The following PPME1 variants were observed in gnomAD, a reference collection of about 807,000 sequenced individuals.
The protein encoded by PPME1 is protein phosphatase methylesterase 1, also known as testicular secretory protein Li 39.
PPME1 carries 17 observed loss-of-function variants against 56.9 expected under a neutral mutation model. The observed-to-expected ratio is 0.30, with a 90% CI of 0.20 to 0.45. The LOEUF (loss-of-function observed/expected upper bound fraction) is 0.45. Ranked by LOEUF, PPME1 falls within the 20% of genes least tolerant of loss-of-function variation. The pLI, the probability that PPME1 is intolerant of heterozygous loss-of-function variation, is 1.00. For synonymous variants in PPME1, 122 were observed against 156.2 expected, an observed-to-expected ratio of 0.78 and a Z score of 1.63; for missense variants, 357 against 483.2, an observed-to-expected ratio of 0.74 and a Z score of 2.45.
intron 1 of PPME1, among the ~76,000 whole-genome samples, chr11:74,187,147 T>C (rs960609859): frequency 6.6e-5 from 10 of 152,232 alleles, no homozygotes; most frequent in Non-Finnish European, 1.2e-4. Context: ...TTTTGATTAC[T>C]GTAGCTTTTT....
chr11:74,227,704 G>A (rs538241829), intron 5 of PPME1, among the ~76,000 whole-genome samples: 1 of 152,244 alleles, frequency 6.6e-6, no homozygotes, highest in African/African-American at 2.4e-5. Flanking sequence ...GTCTAGATTT[G>A]TAGGTAACCC....
intron 1 of PPME1, among the ~76,000 whole-genome samples, chr11:74,195,073 C>A (rs996023253): frequency 1.3e-5 from 2 of 152,150 alleles, no homozygotes; most frequent in Non-Finnish European, 2.9e-5. Flanking sequence ...AGAAGTTTTA[C>A]AGAATTCAAA....
chr11:74,227,290 G>A (rs1023113301), intron 5 of PPME1, among the ~76,000 whole-genome samples: 1 of 152,108 alleles, frequency 6.6e-6, no homozygotes, highest in Admixed American at 6.6e-5. Flanking sequence ...TTGTAGAGTA[G>A]GCAATGAAGG....
Position 74,250,987 on chromosome 11 carries a change from G to T in PPME1, c.1043G>T (p.Gly348Val). 6.2e-7 allele frequency: 1 copy of T among 1,602,106 alleles called. No individual in the cohort carries two copies. The highest frequency in any genetic ancestry group is 1.7e-5 in the Admixed American group (1 of 58,498). The change falls in exon 12 of 14, where the codon GGC becomes GTC. Residue 348 changes from glycine (G) to valine (V), a missense_variant. Around this residue, in one of 2 missense-constraint regions of PPME1, gnomAD observed 182 missense variants for 293.8 expected, o/e 0.62. Coordinates refer to ENST00000328257, the MANE Select transcript of PPME1 (RefSeq NM_016147.3). ...KFQMQVLPQCGHAVHEDAPDK... is the reference protein window; with the variant it reads ...KFQMQVLPQCVHAVHEDAPDK... ...CAGATGCAGGTCCTACCCCAGTGTG[G>T]CCATGCAGTCCATGAGGATGCCCCT...
chr11:74,171,780 A>G (rs1213164900), intron 1 of PPME1, among the ~76,000 whole-genome samples: 1 of 152,128 alleles, frequency 6.6e-6, no homozygotes. Flanking sequence ...AGACTAACAT[A>G]AGGGATCTGA....
intron 3 of PPME1, among the ~76,000 whole-genome samples, chr11:74,219,805 A>G (rs1232444699): frequency 6.6e-6 from 1 of 152,088 alleles, no homozygotes; most frequent in Non-Finnish European, 1.5e-5. Context: ...TGAGTACAAA[A>G]ATATTTAAAT....
chr11:74,226,609 C>CA (rs964733042), intron 5 of PPME1, among the ~76,000 whole-genome samples: 2 of 151,952 alleles, frequency 1.3e-5, no homozygotes, highest in African/African-American at 4.8e-5. Context: ...TAACTTTTAA[C>CA]AAAAAAGTGA....
intron 1 of PPME1, among the ~76,000 whole-genome samples, chr11:74,181,568 C>T (rs1857538834): frequency 6.6e-6 from 1 of 152,162 alleles, no homozygotes; most frequent in Non-Finnish European, 1.5e-5. Flanking sequence ...ACATTTAGAA[C>T]TCCTGTAGTG....
chr11:74,227,810 A>G (rs186023044), intron 5 of PPME1, among the ~76,000 whole-genome samples: 15 of 152,192 alleles, frequency 9.9e-5, no homozygotes, highest in Admixed American at 6.5e-4. Context: ...TTTAATAACA[A>G]TAAATTTCTC....
At chr11:74,195,510 G>A (rs768084171) in intron 1 of PPME1, among the ~76,000 whole-genome samples, 6 of 151,996 alleles carry the variant, frequency 3.9e-5, no homozygotes, top group Non-Finnish European at 7.4e-5. Context: ...TATTCTATTG[G>A]TGATGCATAT....
chr11:74,210,848 A>G (rs1179027083), intron 3 of PPME1, among the ~76,000 whole-genome samples: 10 of 152,218 alleles, frequency 6.6e-5, no homozygotes. Flanking sequence ...TAAATGGACT[A>G]AGACAGTAAG....
At chr11:74,175,132 G>A (rs372731530) in intron 1 of PPME1, among the ~76,000 whole-genome samples, 17 of 152,172 alleles carry the variant, frequency 1.1e-4, no homozygotes, top group African/African-American at 3.6e-4. Context: ...CACTGCTTTC[G>A]TATATACTAT....
chr11:74,250,746 C>T, intron 11 of PPME1: 1 of 563,796 alleles, frequency 1.8e-6, no homozygotes, highest in Non-Finnish European at 3.2e-6. Flanking sequence ...CTAAATAGGA[C>T]AGAAGGAAAA....
In PPME1 at chr11:74,228,856, T is replaced by C. The variant is rs375560045; in HGVS notation, c.399-1389T>C. Among the ~76,000 whole-genome samples, 9 of 152,286 alleles carry C rather than the reference T, an allele frequency of 5.9e-5. No homozygotes were observed. In the East Asian group the frequency reaches 1.7e-3, roughly 29 times the overall value. ...CTTTTCTTTCCTTCATATCATTTTGTCTCCCAGAGAGAATTTTGTGTTACT... is the reference window on the plus strand; with the variant it reads ...CTTTTCTTTCCTTCATATCATTTTGCCTCCCAGAGAGAATTTTGTGTTACT... On this transcript the variant is annotated intron_variant, in intron 5 of 13. Coordinates refer to ENST00000328257, the MANE Select transcript of PPME1 (RefSeq NM_016147.3).
chr11:74,219,376 C>A (rs548350872), intron 3 of PPME1, among the ~76,000 whole-genome samples: 3 of 151,086 alleles, frequency 2.0e-5, no homozygotes, highest in African/African-American at 7.3e-5. Flanking sequence ...CCGTATAATG[C>A]AGCAATCCCG....
chr11:74,252,386 C>T (rs1859722875), intron 13 of PPME1: 5 of 453,232 alleles, frequency 1.1e-5, no homozygotes, highest in Middle Eastern at 6.8e-4. Flanking sequence ...CACAAGCCAC[C>T]GCGCCTGGCC....
chr11:74,252,378 C>T (rs554769172), intron 13 of PPME1: 1 of 451,928 alleles, frequency 2.2e-6, no homozygotes, highest in African/African-American at 2.0e-5. Flanking sequence ...ATTATAGGCA[C>T]AAGCCACCGC....
chr11:74,194,869 G>A (rs1857939456), intron 1 of PPME1, among the ~76,000 whole-genome samples: 1 of 152,084 alleles, frequency 6.6e-6, no homozygotes, highest in African/African-American at 2.4e-5. Context: ...GAAAAATATG[G>A]GATATGGGAT....
chr11:74,200,988 T>C (rs1565381331), intron 1 of PPME1, among the ~76,000 whole-genome samples: 1 of 151,958 alleles, frequency 6.6e-6, no homozygotes, highest in Non-Finnish European at 1.5e-5. Flanking sequence ...TTTTTTCTTT[T>C]TTTTTGAGAT....
Sources: gnomAD v4.1 joint callset for allele counts (sites outside exome capture counted in the v4.1 genomes callset) on GRCh38, gnomAD v4.1.1 for gene constraint, gnomAD v4.1.1 regional missense constraint, MANE v1.5 for transcripts, NCBI Gene and HGNC (gene_info 2026-07-23, HGNC 2026-07-21) for gene names.